AGO3: variants seen among roughly 807,000 people sequenced by gnomAD.
The protein encoded by AGO3 is protein argonaute-3.
A neutral mutation model predicts 105.5 loss-of-function variants in AGO3; 16 were observed. That is an observed-to-expected ratio of 0.15 (90% CI 0.10 to 0.23). The LOEUF (loss-of-function observed/expected upper bound fraction) is 0.23, where lower values mean the gene tolerates loss of function less well. Ranked by LOEUF, AGO3 falls within the 10% of genes least tolerant of loss-of-function variation. The pLI, the probability that AGO3 is intolerant of heterozygous loss-of-function variation, is 1.00. For synonymous variants in AGO3, 340 were observed against 367.3 expected (o/e 0.93, Z 0.85); for missense variants, 534 against 1,088.0 (o/e 0.49, Z 7.16).
chr1:35,955,749 C>T (rs2148759393), intron 2 of AGO3, among the ~76,000 whole-genome samples: 1 of 152,206 alleles, frequency 6.6e-6, no homozygotes, highest in East Asian at 1.9e-4. Context: ...CACATACCAC[C>T]ATGCCCGGCT....
chr1:36,011,205 CAACTT>C (rs950747721), intron 9 of AGO3, among the ~76,000 whole-genome samples: 4 of 152,134 alleles, frequency 2.6e-5, no homozygotes, highest in Non-Finnish European at 4.4e-5. Flanking sequence ...TTTCCCAAAA[CAACTT>C]AATAATACTT....
chr1:35,978,402 G>A (rs1360264749), intron 5 of AGO3, among the ~76,000 whole-genome samples: 1 of 152,154 alleles, frequency 6.6e-6, no homozygotes, highest in Admixed American at 6.5e-5. Context: ...ATGTTGGTCA[G>A]GCTGGTCTCG....
chr1:35,974,421 T>C (rs1646921228), intron 5 of AGO3, among the ~76,000 whole-genome samples: 2 of 152,180 alleles, frequency 1.3e-5, no homozygotes, highest in South Asian at 4.1e-4. Context: ...TAGAATATGT[T>C]CAAATCTGAT....
rs1643136387 is a variant in AGO3 at position 36,069,638 on chromosome 1, C to T, written c.*13893C>T. On this transcript the variant is annotated 3_prime_UTR_variant, in exon 19 of 19. Coordinates refer to ENST00000373191, the MANE Select transcript of AGO3 (RefSeq NM_024852.4). ...TTTCTTCCCTGCAAGATATCCAGCACACAGGCTGAATTTTTCTTTATAATA... is the reference window on the plus strand; with the variant it reads ...TTTCTTCCCTGCAAGATATCCAGCATACAGGCTGAATTTTTCTTTATAATA... The T allele has an allele frequency of 6.6e-6, 1 of 152,192 alleles. No individual in the cohort carries two copies. Among genetic ancestry groups the T allele is most frequent in the South Asian group, 2.1e-4 (1 of 4,834 alleles). The allele number at this position is 152,192 out of a possible 1,614,324, so 9.4% of individuals were successfully genotyped here.
intron 17 of AGO3, among the ~76,000 whole-genome samples, chr1:36,047,082 T>TA (rs1342883557): frequency 6.6e-6 from 1 of 151,928 alleles, no homozygotes; most frequent in African/African-American, 2.4e-5. Flanking sequence ...TTGTCTGTAT[T>TA]AAAAATACAA....
At chr1:36,039,649 G>C in intron 14 of AGO3, 141 bp from the exon 15 acceptor site, 1 of 591,830 alleles carries the variant, frequency 1.7e-6, no homozygotes, top group Non-Finnish European at 2.4e-6. Flanking sequence ...ACCCAACTCA[G>C]AATTACTATT....
At chr1:36,011,663 C>T (rs1640620117) in intron 9 of AGO3, among the ~76,000 whole-genome samples, 1 of 152,182 alleles carries the variant, frequency 6.6e-6, no homozygotes, top group African/African-American at 2.4e-5. Flanking sequence ...CACTTACTTA[C>T]TGTTACTGTT....
At position 36,070,243 on chromosome 1, in the gene AGO3, G is replaced by A. The variant is rs1008509077; in HGVS notation, c.*14498G>A. On this transcript the variant is annotated 3_prime_UTR_variant, in exon 19 of 19. Transcript: ENST00000373191. ...AGGGTTAGATTTTAAGAAAGAAAGT[G>A]TGCTTATTTCACTCATGTCTTTGCA... 5 of 152,144 alleles carry A rather than the reference G, an allele frequency of 3.3e-5. No individual in the cohort carries two copies. Among genetic ancestry groups the A allele is most frequent in the Non-Finnish European group, 5.9e-5 (4 of 68,032 alleles). The allele number at this position is 152,144 out of a possible 1,614,324, so 9.4% of individuals were successfully genotyped here.
chr1:35,986,701 G>GA (rs950441826), intron 5 of AGO3, among the ~76,000 whole-genome samples: 31 of 141,208 alleles, frequency 2.2e-4, no homozygotes, highest in East Asian at 4.2e-4. Context: ...AAAGAAAAAA[G>GA]AAAAAAAAAA....
chr1:36,045,823 A>G (rs926839867), intron 17 of AGO3, among the ~76,000 whole-genome samples: 1 of 152,180 alleles, frequency 6.6e-6, no homozygotes, highest in Admixed American at 6.5e-5. Flanking sequence ...GATTGTAGGC[A>G]TGAATCACTG....
intron 17 of AGO3, among the ~76,000 whole-genome samples, chr1:36,053,646 C>T (rs1642809073): frequency 1.3e-5 from 2 of 152,036 alleles, no homozygotes; most frequent in South Asian, 4.1e-4. Context: ...GTGGCACAAT[C>T]ACCACTCACT....
At chr1:35,955,283 C>T (rs1458154743) in intron 2 of AGO3, among the ~76,000 whole-genome samples, 1 of 152,116 alleles carries the variant, frequency 6.6e-6, no homozygotes, top group Non-Finnish European at 1.5e-5. Flanking sequence ...TCTAGGTTAG[C>T]GGTCTTCAAA....
chr1:35,964,218 C>T (rs1051469124), intron 2 of AGO3, among the ~76,000 whole-genome samples: 3 of 152,042 alleles, frequency 2.0e-5, no homozygotes, highest in African/African-American at 2.4e-5. Context: ...GGTTTATTGT[C>T]ACCCAGGTAT....
Position 35,945,814 on chromosome 1 carries a change from C to T in AGO3, c.142C>T (p.Leu48Phe), listed in dbSNP as rs905319578. 6.2e-7 allele frequency: 1 copy of T among 1,613,658 alleles called. No individual in the cohort carries two copies. The highest frequency in any genetic ancestry group is 1.3e-5 in the African/African-American group (1 of 74,896). The part of the protein sequence containing the change: ...QVEIPKIDVY[L>F]YEVDIKPDKC... ...TGAAATCCCAAAGATTGATGTCTAC[C>T]TCTATGAGGTAGATATTAAACCAGA... Residue 48 changes from leucine to phenylalanine, a missense_variant, in exon 2 of 19, where the codon CTC (leucine) becomes TTC (phenylalanine). Leu to Phe is a conservative substitution (Grantham distance 22, BLOSUM62 0). Transcript: ENST00000373191.
chr1:36,028,824 G>A (rs1248656695), intron 12 of AGO3, among the ~76,000 whole-genome samples: 1 of 152,062 alleles, frequency 6.6e-6, no homozygotes, highest in Non-Finnish European at 1.5e-5. Context: ...TCGCCACACT[G>A]ACTTCCACAA....
intron 17 of AGO3, 98 bp downstream of exon 17, chr1:36,043,646 C>T: frequency 1.0e-6 from 1 of 997,214 alleles, no homozygotes; most frequent in East Asian, 2.7e-5. Flanking sequence ...ATACTCTTTG[C>T]ATTCCAAATT....
At position 36,061,428 on chromosome 1, in the gene AGO3, T is replaced by G. The variant is rs985506853; in HGVS notation, c.*5683T>G. ...AAAACTAGTACTCCAGATGTTTACATCATTGATTAAATCTCAAGAATCTTT... is the reference window on the plus strand; with the variant it reads ...AAAACTAGTACTCCAGATGTTTACAGCATTGATTAAATCTCAAGAATCTTT... On this transcript the variant is annotated 3_prime_UTR_variant, in exon 19 of 19. Transcript: ENST00000373191. The G allele has an allele frequency of 1.3e-5, 2 of 152,224 alleles. No individual in the cohort carries two copies. The highest frequency in any genetic ancestry group is 2.4e-5 in the African/African-American group (1 of 41,460). The allele number at this position is 152,224 out of a possible 1,614,324, so 9.4% of individuals were successfully genotyped here.
chr1:36,044,102 T>C (rs1044439676), intron 17 of AGO3, among the ~76,000 whole-genome samples: 3 of 152,170 alleles, frequency 2.0e-5, no homozygotes, highest in Non-Finnish European at 2.9e-5. Context: ...TCCAACACTT[T>C]GGGAGGCTGA....
At chr1:35,962,179 T>A (rs567414413) in intron 2 of AGO3, among the ~76,000 whole-genome samples, 1 of 152,276 alleles carries the variant, frequency 6.6e-6, no homozygotes, top group African/African-American at 2.4e-5. Context: ...TGGAAAATTA[T>A]TCCAGTGTTC....
Sources: allele counts gnomAD v4.1 joint callset (sites outside exome capture counted in the v4.1 genomes callset), GRCh38; gene constraint gnomAD v4.1.1; transcripts MANE v1.5; gene names NCBI Gene and HGNC (gene_info 2026-07-23, HGNC 2026-07-21).